SCN9A: variants seen among roughly 807,000 people sequenced by gnomAD.
The protein encoded by SCN9A is sodium channel protein type 9 subunit alpha.
Under a neutral mutation model 187.0 loss-of-function variants are expected in SCN9A, and 131 were observed. The ratio of observed to expected loss-of-function variants is 0.70; its 90% CI spans 0.61 to 0.81. The LOEUF (loss-of-function observed/expected upper bound fraction) is 0.81, where lower values mean the gene tolerates loss of function less well. SCN9A is among the 30% of genes least tolerant of loss of function. The pLI, the probability that SCN9A is intolerant of heterozygous loss-of-function variation, is 0.00. For missense variants in SCN9A, 2,252 were observed against 2,396.6 expected (o/e 0.94, Z 1.26); for synonymous variants, 809 against 808.6 (o/e 1.00, Z -0.01).
At chr2:166,249,865 G>T (rs1254204286) in intron 18 of SCN9A, among the ~76,000 whole-genome samples, 1 of 152,028 alleles carries the variant, frequency 6.6e-6, no homozygotes, top group Non-Finnish European at 1.5e-5. Context: ...TTTAAGTCAT[G>T]ATCATTCATA....
chr2:166,246,322 GA>G (rs1332312032), intron 18 of SCN9A, among the ~76,000 whole-genome samples: 11 of 144,688 alleles, frequency 7.6e-5, no homozygotes, highest in Middle Eastern at 4.4e-3. Flanking sequence ...GGATGAAAAA[GA>G]AAAAAAAAGG....
intron 21 of SCN9A, among the ~76,000 whole-genome samples, chr2:166,232,356 C>T (rs1489852668): frequency 6.6e-6 from 1 of 152,122 alleles, no homozygotes; most frequent in Non-Finnish European, 1.5e-5. Flanking sequence ...ACTCTCTGAG[C>T]TTTAGTTTTC....
chr2:166,304,173 A>G, intron 6 of SCN9A, 65 bp downstream of exon 6: 2 of 1,611,102 alleles, frequency 1.2e-6, no homozygotes, highest in Non-Finnish European at 1.7e-6. Context: ...ACAAACGAAC[A>G]AAGAACAACT....
chr2:166,253,086 A>G (rs1047048093), intron 17 of SCN9A, among the ~76,000 whole-genome samples: 4 of 151,916 alleles, frequency 2.6e-5, no homozygotes, highest in African/African-American at 7.2e-5. Flanking sequence ...TGATAGCCCA[A>G]TCTAAAGGTT....
rs757848676 is a variant in SCN9A, at chr2:166,311,627, C to G, written c.130G>C (p.Glu44Gln). ...EPKEEKKDDD[E>Q]EAPKPSSDLE... Reference sequence around the variant, plus strand: ...TCACTGCTTGGCTTTGGGGCTTCTTCATCATCATCTTTCTTTTCTTCTTTG... The same window carrying G: ...TCACTGCTTGGCTTTGGGGCTTCTTGATCATCATCTTTCTTTTCTTCTTTG... Residue 44 changes from glutamate to glutamine, a missense_variant, in exon 2 of 27, where the codon GAA (glutamate) becomes CAA (glutamine). By Grantham distance (29) the Glu-to-Gln change is conservative. Coordinates refer to ENST00000642356, the MANE Select transcript of SCN9A (RefSeq NM_001365536.1). 1 of 1,613,330 alleles carries G rather than the reference C, an allele frequency of 6.2e-7. No individual in the cohort carries two copies. Among genetic ancestry groups the G allele is most frequent in the Non-Finnish European group, 8.5e-7 (1 of 1,179,754 alleles).
chr2:166,366,858 T>A (rs1166884435), intron 1 of SCN9A, among the ~76,000 whole-genome samples: 1 of 152,194 alleles, frequency 6.6e-6, no homozygotes, highest in African/African-American at 2.4e-5. Context: ...GGATAATAGA[T>A]ATTTAAAAAA....
rs1559010947 is a variant in SCN9A, at chr2:166,284,835, AT to A, written c.1603-12del. ...AATGCTGAGTGGTGACTGCAGAAAA[AT>A]TAAAAAAAACGTGGTTGCTGAAGCA... is the stretch of plus-strand genomic sequence containing the variant. On this transcript the variant is annotated splice_polypyrimidine_tract_variant and intron_variant, in intron 11 of 26. Coordinates refer to ENST00000642356, the MANE Select transcript of SCN9A (RefSeq NM_001365536.1). 6.3e-7 allele frequency: 1 copy of A among 1,586,522 alleles called. No homozygotes were observed. The highest frequency in any genetic ancestry group is 8.5e-7 in the Non-Finnish European group (1 of 1,170,458).
intron 17 of SCN9A, 149 bp from the exon 18 acceptor site, chr2:166,252,034 T>C (rs1338106069): frequency 5.0e-6 from 4 of 797,982 alleles, no homozygotes; most frequent in Admixed American, 2.6e-5. Context: ...TAAACACATA[T>C]TGAGGTCAAG....
intron 9 of SCN9A, among the ~76,000 whole-genome samples, chr2:166,291,139 T>C (rs549989956): frequency 2.6e-5 from 4 of 152,150 alleles, no homozygotes; most frequent in Non-Finnish European, 5.9e-5. Context: ...GGAAGTCAAA[T>C]TGTCTCTGCA....
chr2:166,272,299 T>A (rs1697025071), intron 17 of SCN9A, 100 bp downstream of exon 17: 3 of 780,842 alleles, frequency 3.8e-6, no homozygotes, highest in Non-Finnish European at 6.0e-6. Flanking sequence ...CATCACTACA[T>A]GCAATGTTAA....
intron 1 of SCN9A, among the ~76,000 whole-genome samples, chr2:166,362,494 G>T (rs534350762): frequency 1.3e-5 from 2 of 151,898 alleles, no homozygotes; most frequent in Non-Finnish European, 2.9e-5. Context: ...CTTACTTTCT[G>T]CCATTTTGGG....
At chr2:166,370,252 T>TCA (rs1700523481) in intron 1 of SCN9A, among the ~76,000 whole-genome samples, 1 of 149,506 alleles carries the variant, frequency 6.7e-6, no homozygotes, top group African/African-American at 2.4e-5. Context: ...ATCATCATCA[T>TCA]TAGATAATGG....
chr2:166,364,023 C>T (rs1231788331), intron 1 of SCN9A, among the ~76,000 whole-genome samples: 1 of 151,892 alleles, frequency 6.6e-6, no homozygotes, highest in African/African-American at 2.4e-5. Flanking sequence ...TAAAAATGAA[C>T]AAAGGATTTG....
rs1261810400 is a variant in SCN9A at position 166,277,303 on chromosome 2, A to G, written c.2554T>C (p.Leu852=). Residue 852 remains leucine, a synonymous_variant, in exon 16 of 27, where the codon TTG becomes CTG. Transcript: ENST00000642356. The part of the protein sequence containing the change: ...VFKLAKSWPT[L]NMLIKIIGNS... ...CCAATGATCTTAATCAGCATGTTCA[A>G]TGTTGGCCAGGATTTTGCCAACTTG... 20 of 1,611,062 alleles carry G rather than the reference A, an allele frequency of 1.2e-5. No individual in the cohort carries two copies. The highest frequency in any genetic ancestry group is 8.8e-5 in the South Asian group (8 of 91,030).
At chr2:166,331,656 G>A (rs1032368284) in intron 1 of SCN9A, among the ~76,000 whole-genome samples, 2 of 152,142 alleles carry the variant, frequency 1.3e-5, no homozygotes, top group South Asian at 4.1e-4. Context: ...CACAATCCAA[G>A]AATTTATTTA....
At chr2:166,356,029 C>A (rs1700145193) in intron 1 of SCN9A, among the ~76,000 whole-genome samples, 1 of 152,098 alleles carries the variant, frequency 6.6e-6, no homozygotes, top group African/African-American at 2.4e-5. Context: ...CCTTGGCCTC[C>A]CAAAATGCTG....
chr2:166,244,298 A>T (rs1389808871), intron 18 of SCN9A, among the ~76,000 whole-genome samples: 1 of 152,084 alleles, frequency 6.6e-6, no homozygotes. Context: ...TAGGGTGAGC[A>T]GAAAAAGGGC....
chr2:166,197,658 C>T lies in SCN9A; in HGVS notation c.*1014G>A, dbSNP rs200393413. 3.9e-5 allele frequency: 6 copies of T among 152,118 alleles called. No individual in the cohort carries two copies. The South Asian group carries it at 1.2e-3, about 32-fold the overall frequency. 9.4% of individuals were successfully genotyped at this position (152,118 alleles called of 1,614,324 possible). A position where few individuals can be genotyped will look rare whatever the true frequency, so the allele number is the denominator to read the frequency against. On this transcript the variant is annotated 3_prime_UTR_variant, in exon 27 of 27. Transcript: ENST00000642356. ...AGTTATTATCTGCTCAAGTATGTAC[C>T]GTGGTCAAACAACTAACTGCATATC...
At position 166,286,578 on chromosome 2, in the gene SCN9A, T is replaced by C; in HGVS notation, c.1360A>G (p.Arg454Gly). The C allele has an allele frequency of 6.3e-7, 1 of 1,597,948 alleles. No individual in the cohort carries two copies. Among genetic ancestry groups the C allele is most frequent in the Non-Finnish European group, 8.5e-7 (1 of 1,174,476 alleles). ...AAEYTSIRRS[R>G]IMGLSESSSE... Reference sequence around the variant, plus strand: ...GAACTCTCTGAGAGGCCCATAATTCTGCTTCTCCTAATACTTGTATATTCA... The same window carrying C: ...GAACTCTCTGAGAGGCCCATAATTCCGCTTCTCCTAATACTTGTATATTCA... The change falls in exon 11 of 27, where the codon AGA becomes GGA. Residue 454 changes from arginine (R) to glycine (G), a missense_variant. Transcript: ENST00000642356.
Sources: gnomAD v4.1 joint callset for allele counts (sites outside exome capture counted in the v4.1 genomes callset) on GRCh38, gnomAD v4.1.1 for gene constraint, MANE v1.5 for transcripts, NCBI Gene and HGNC (gene_info 2026-07-23, HGNC 2026-07-21) for gene names.